CEP63: variants seen among roughly 807,000 people sequenced by gnomAD.
The protein encoded by CEP63 is centrosomal protein 63.
In CEP63, 84 loss-of-function variants were observed where a neutral mutation model predicts 89.1. The ratio of observed to expected loss-of-function variants is 0.94; its 90% CI spans 0.79 to 1.13. CEP63 has a LOEUF of 1.13. Among genes scored for constraint, CEP63 ranks in the 50% most tolerant of loss-of-function variants. The pLI is 0.00. For missense variants in CEP63, 838 were observed against 813.3 expected (o/e 1.03, Z -0.37); for synonymous variants, 267 against 272.5 (o/e 0.98, Z 0.20).
At chr3:134,570,345 C>T (rs980526183) in intron 11 of CEP63, among the ~76,000 whole-genome samples, 2 of 152,188 alleles carry the variant, frequency 1.3e-5, no homozygotes, top group African/African-American at 4.8e-5. Flanking sequence ...ATGCTTTTAA[C>T]AGCACCCAAG....
intron 7 of CEP63, 87 bp from the exon 8 acceptor site, chr3:134,546,062 A>G: frequency 7.0e-7 from 1 of 1,421,592 alleles, no homozygotes; most frequent in Non-Finnish European, 9.7e-7. Context: ...TTGTAATAAT[A>G]GCTGGCTTAG....
chr3:134,696,260 G>A, the CEP63 span, among the ~76,000 whole-genome samples: 4 of 152,190 alleles, frequency 2.6e-5, no homozygotes, highest in Non-Finnish European at 5.9e-5. Flanking sequence ...TTGAATTGCC[G>A]CCTTCATCTT....
intron 10 of CEP63, among the ~76,000 whole-genome samples, chr3:134,584,154 T>C (rs894780584): frequency 6.6e-6 from 1 of 152,190 alleles, no homozygotes; most frequent in Admixed American, 6.5e-5. Flanking sequence ...TTTTCCTAAT[T>C]GAATACCCTT....
At chr3:134,587,537 G>A (rs1405871662) in exon 11 of CEP63, among the ~76,000 whole-genome samples, 1 of 152,214 alleles carries the variant, frequency 6.6e-6, no homozygotes, top group African/African-American at 2.4e-5. Flanking sequence ...CTGCAGAACA[G>A]CAAATATTGC....
chr3:134,662,463 C>T, the CEP63 span, among the ~76,000 whole-genome samples: 1 of 152,048 alleles, frequency 6.6e-6, no homozygotes, highest in Non-Finnish European at 1.5e-5. Flanking sequence ...TGAACTAAGA[C>T]AGTGGTAAAG....
chr3:134,500,775 T>A (rs776433276), intron 2 of CEP63, among the ~76,000 whole-genome samples: 29 of 152,230 alleles, frequency 1.9e-4, no homozygotes, highest in Non-Finnish European at 3.8e-4. Flanking sequence ...GTTCTCTCAT[T>A]CTGTAAGTTG....
At chr3:134,514,379 A>G (rs914428711) in intron 3 of CEP63, among the ~76,000 whole-genome samples, 14 of 152,156 alleles carry the variant, frequency 9.2e-5, no homozygotes, top group African/African-American at 2.9e-4. Context: ...TCCCTGAAGG[A>G]GAAAAAAAAT....
chr3:134,605,159 C>T, the CEP63 span, among the ~76,000 whole-genome samples: 2 of 152,138 alleles, frequency 1.3e-5, no homozygotes, highest in South Asian at 2.1e-4. Context: ...GTTTCATCTT[C>T]GTCTGTCCTG....
Position 134,488,999 on chromosome 3 carries a change from T to C in CEP63, c.-26+2797T>C, listed in dbSNP as rs555791741. ...GGTGAAACCCCGTCTCTACTAAAAATGAAAAATTAGCCGGGCGTGGTGGCA... is the reference window on the plus strand; with the variant it reads ...GGTGAAACCCCGTCTCTACTAAAAACGAAAAATTAGCCGGGCGTGGTGGCA... On this transcript the variant is annotated intron_variant, in intron 1 of 14. Transcript: ENST00000675561. Among the ~76,000 whole-genome samples, 3 of 151,420 alleles carry C rather than the reference T, an allele frequency of 2.0e-5. No individual in the cohort carries two copies. In the East Asian group the frequency reaches 5.9e-4, roughly 30 times the overall value.
At chr3:134,568,719 A>G (rs1343553593), downstream of CEP63, among the ~76,000 whole-genome samples, 1 of 152,236 alleles carries the variant, frequency 6.6e-6, no homozygotes, top group Non-Finnish European at 1.5e-5. Context: ...ACATTAACCC[A>G]TTGTTTAACA....
the CEP63 span, among the ~76,000 whole-genome samples, chr3:134,674,833 G>A: frequency 2.0e-5 from 3 of 152,000 alleles, no homozygotes; most frequent in Non-Finnish European, 4.4e-5. Flanking sequence ...GCATCAAAAT[G>A]AATAAAATAC....
intron 9 of CEP63, among the ~76,000 whole-genome samples, chr3:134,548,375 C>G (rs1954052337): frequency 6.6e-6 from 1 of 152,156 alleles, no homozygotes; most frequent in African/African-American, 2.4e-5. Context: ...GGTGTTGTTA[C>G]TTCCTTGGGT....
rs185705385 is a variant in CEP63 at position 134,506,800 on chromosome 3, C to A, written c.45-309C>A. ...GGGCATGGTGGCGCATGCCTGTAAT[C>A]CCAGCTACTCGGGAGGCTGAGGCAG... On this transcript the variant is annotated intron_variant, in intron 2 of 14. Transcript: ENST00000675561. 4.0e-5 allele frequency among the ~76,000 whole-genome samples: 6 copies of A among 151,886 alleles called. No homozygotes were observed. In the East Asian group the frequency reaches 1.2e-3, roughly 30 times the overall value.
At chr3:134,568,061 A>G (rs1957859568), downstream of CEP63, among the ~76,000 whole-genome samples, 1 of 152,216 alleles carries the variant, frequency 6.6e-6, no homozygotes, top group Non-Finnish European at 1.5e-5. Context: ...TTTGGCTATG[A>G]GAAACAGATG....
the CEP63 span, among the ~76,000 whole-genome samples, chr3:134,718,781 C>T: frequency 6.6e-6 from 1 of 152,186 alleles, no homozygotes; most frequent in Non-Finnish European, 1.5e-5. Flanking sequence ...CACATCTGAG[C>T]CTTGGATTCC....
At chr3:134,574,474 G>T (rs1314336056) in intron 11 of CEP63, among the ~76,000 whole-genome samples, 1 of 152,200 alleles carries the variant, frequency 6.6e-6, no homozygotes, top group Non-Finnish European at 1.5e-5. Flanking sequence ...GGCATGCTCT[G>T]CTGCCTCTCA....
chr3:134,515,256 C>CA (rs1301199546), intron 3 of CEP63, among the ~76,000 whole-genome samples: 1 of 151,294 alleles, frequency 6.6e-6, no homozygotes, highest in Non-Finnish European at 1.5e-5. Context: ...CCAAAGAAGG[C>CA]AAAAAAGAAG....
At chr3:134,526,635 A>C (rs1948701918) in intron 3 of CEP63, among the ~76,000 whole-genome samples, 1 of 152,158 alleles carries the variant, frequency 6.6e-6, no homozygotes. Flanking sequence ...CTGAACCCTT[A>C]CTGGAGAAGT....
chr3:134,646,977 C>A, the CEP63 span, among the ~76,000 whole-genome samples: 1 of 152,156 alleles, frequency 6.6e-6, no homozygotes, highest in Non-Finnish European at 1.5e-5. Context: ...AAGCTGACTT[C>A]TTATTGTATT....
Sources: gnomAD v4.1 joint callset for allele counts (sites outside exome capture counted in the v4.1 genomes callset) on GRCh38, gnomAD v4.1.1 for gene constraint, MANE v1.5 for transcripts, NCBI Gene and HGNC (gene_info 2026-07-23, HGNC 2026-07-21) for gene names.